The following WDR75 variants were observed in gnomAD, a reference collection of about 807,000 sequenced individuals.
The protein encoded by WDR75 is WD repeat domain 75.
A neutral mutation model predicts 106.1 loss-of-function variants in WDR75; 52 were observed. The ratio of observed to expected loss-of-function variants is 0.49; its 90% CI spans 0.39 to 0.62. The LOEUF (loss-of-function observed/expected upper bound fraction) is 0.62. Among genes scored for constraint, WDR75 ranks in the 20% least tolerant of loss-of-function variants. The probability of loss-of-function intolerance (pLI) is 0.00; values close to 1 mark genes in which losing one functional copy is unlikely to be tolerated. For missense variants in WDR75, 905 were observed against 970.3 expected (o/e 0.93, Z 0.89); for synonymous variants, 333 against 335.5 (o/e 0.99, Z 0.08).
At chr2:189,451,209 A>T (rs905667871) in intron 3 of WDR75, among the ~76,000 whole-genome samples, 12 of 152,350 alleles carry the variant, frequency 7.9e-5, no homozygotes, top group African/African-American at 2.9e-4. Context: ...CTTCCCAAAA[A>T]CCAATAAGGA....
chr2:189,468,356 AAT>A, intron 14 of WDR75, 117 bp from the exon 15 acceptor site: 1 of 818,902 alleles, frequency 1.2e-6, no homozygotes, highest in Non-Finnish European at 1.9e-6. Context: ...TATAAACAAA[AAT>A]ATATATGTCT....
Position 189,474,803 on chromosome 2 carries a change from T to A in WDR75, c.2283T>A (p.Thr761=), listed in dbSNP as rs774152473. 1.2e-6 allele frequency: 2 copies of A among 1,613,270 alleles called. No individual in the cohort carries two copies. The highest frequency in any genetic ancestry group is 1.7e-6 in the Non-Finnish European group (2 of 1,179,252). ...ATTCATTGCTGCTGTCTAAAGAGAC[T>A]AAGAGGTAAAGCAGTTCTTAAGACA... The part of the protein sequence containing the change: ...FVNSLLLSKE[T]KSAKEIPEDV... Residue 761 remains threonine, a synonymous_variant, in exon 20 of 21, where the codon ACT becomes ACA. Transcript: ENST00000314761.
intron 16 of WDR75, 48 bp from the exon 17 acceptor site, chr2:189,470,028 T>A (rs1328014808): frequency 6.4e-7 from 1 of 1,566,984 alleles, no homozygotes; most frequent in African/African-American, 1.4e-5. Context: ...AGGCTAGAAC[T>A]AACCTTTTCA....
chr2:189,460,806 A>G (rs951079703), intron 8 of WDR75, among the ~76,000 whole-genome samples: 4 of 152,146 alleles, frequency 2.6e-5, no homozygotes, highest in African/African-American at 7.2e-5. Context: ...GTGCCCGGCC[A>G]TTATTTGAAT....
At chr2:189,468,850 C>T (rs983086429) in intron 15 of WDR75, among the ~76,000 whole-genome samples, 21 of 152,120 alleles carry the variant, frequency 1.4e-4, no homozygotes, top group Admixed American at 2.6e-4. Context: ...TCCCCATCCT[C>T]GTAACAATTT....
intron 18 of WDR75, among the ~76,000 whole-genome samples, chr2:189,471,743 G>T (rs1200487447): frequency 6.6e-6 from 1 of 152,046 alleles, no homozygotes; most frequent in South Asian, 2.1e-4. Context: ...CATCATTCTG[G>T]GGATTTGTTT....
At chr2:189,443,992 G>A (rs956788344) in intron 1 of WDR75, among the ~76,000 whole-genome samples, 17 of 152,136 alleles carry the variant, frequency 1.1e-4, no homozygotes, top group African/African-American at 3.6e-4. Context: ...AGTTCAGTTC[G>A]GGGTTATTAA....
intron 12 of WDR75, among the ~76,000 whole-genome samples, chr2:189,466,181 G>T (rs576469295): frequency 6.6e-6 from 1 of 152,100 alleles, no homozygotes; most frequent in African/African-American, 2.4e-5. Context: ...TTGTACCAAT[G>T]TACTAGTGGG....
At chr2:189,461,826 G>GT (rs764248235) in intron 8 of WDR75, among the ~76,000 whole-genome samples, 1 of 152,120 alleles carries the variant, frequency 6.6e-6, no homozygotes, top group Non-Finnish European at 1.5e-5. Flanking sequence ...GTTTTCAATA[G>GT]TTTAACTTTT....
Position 189,460,829 on chromosome 2 carries a change from A to G in WDR75, c.778+1405A>G, listed in dbSNP as rs566101363. 2.0e-5 allele frequency among the ~76,000 whole-genome samples: 3 copies of G among 152,294 alleles called. 1 individual carries two copies. In the South Asian group the frequency reaches 6.2e-4, roughly 32 times the overall value. On this transcript the variant is annotated intron_variant, in intron 8 of 20. Transcript: ENST00000314761. The stretch of plus-strand genomic sequence containing the variant: ...CCATTATTTGAATTCTTGATATTAT[A>G]TTTCAAGTAGCATGAATATTTTTAA...
At chr2:189,441,869 A>C (rs1430961398) in intron 1 of WDR75, among the ~76,000 whole-genome samples, 1 of 152,156 alleles carries the variant, frequency 6.6e-6, no homozygotes, top group Non-Finnish European at 1.5e-5. Flanking sequence ...AAAATGGTCC[A>C]GGGGTGGATG....
At position 189,441,543 on chromosome 2, in the gene WDR75, G is replaced by T. The variant is rs201125667; in HGVS notation, c.51G>T (p.Leu17Phe). Residue 17 changes from leucine to phenylalanine, a missense_variant, in exon 1 of 21, where the codon TTG (leucine) becomes TTT (phenylalanine). Coordinates refer to ENST00000314761, the MANE Select transcript of WDR75 (RefSeq NM_032168.3). The part of the protein sequence containing the change: ...IRVVRCGGSE[L>F]NFRRAVFSAD... ...TGGTTCGTTGTGGCGGCAGCGAGTT[G>T]AACTTTAGGAGAGCTGTGTTCTCTG... 2.6e-6 allele frequency: 4 copies of T among 1,563,582 alleles called. No homozygotes were observed. In the South Asian group the frequency reaches 4.7e-5, roughly 18 times the overall value.
intron 8 of WDR75, 104 bp from the exon 9 acceptor site, chr2:189,462,380 T>C: frequency 7.8e-7 from 1 of 1,274,034 alleles, no homozygotes; most frequent in East Asian, 2.3e-5. Context: ...TTAAATGAGT[T>C]TATTTCTCTA....
At chr2:189,451,352 T>A (rs555675030) in intron 3 of WDR75, among the ~76,000 whole-genome samples, 1 of 152,176 alleles carries the variant, frequency 6.6e-6, no homozygotes, top group South Asian at 2.1e-4. Flanking sequence ...TTAAAACAAA[T>A]GACACAATAT....
intron 14 of WDR75, 143 bp downstream of exon 14, chr2:189,467,791 A>C: frequency 1.5e-6 from 1 of 666,436 alleles, no homozygotes; most frequent in South Asian, 3.4e-5. Flanking sequence ...CTGGAAAGCC[A>C]AAAATTCTGA....
chr2:189,460,450 C>G lies in WDR75; in HGVS notation c.778+1026C>G, dbSNP rs570266592. ...TACCCTCCTTCCCACTCCACACCCT[C>G]AAAATACTAGTGAGTGCTTGGTATC... On this transcript the variant is annotated intron_variant, in intron 8 of 20. Coordinates refer to ENST00000314761, the MANE Select transcript of WDR75 (RefSeq NM_032168.3). Among the ~76,000 whole-genome samples, 109 of 151,940 alleles carry G rather than the reference C, an allele frequency of 7.2e-4. 1 individual carries two copies. Among genetic ancestry groups the G allele is most frequent in the Non-Finnish European group, 1.6e-4 (11 of 68,002 alleles).
chr2:189,462,372 A>C (rs1260420288), intron 8 of WDR75, 112 bp from the exon 9 acceptor site: 5 of 1,199,664 alleles, frequency 4.2e-6, no homozygotes, highest in East Asian at 4.7e-5. Flanking sequence ...TTGTAGCTTT[A>C]AATGAGTTTA....
intron 11 of WDR75, 34 bp downstream of exon 11, chr2:189,463,995 A>G: frequency 6.3e-7 from 1 of 1,579,706 alleles, no homozygotes; most frequent in Non-Finnish European, 8.7e-7. Flanking sequence ...GAAATTAATG[A>G]AAGCTCTTTA....
intron 8 of WDR75, among the ~76,000 whole-genome samples, chr2:189,460,624 C>T (rs1686859811): frequency 6.6e-6 from 1 of 151,582 alleles, no homozygotes; most frequent in Admixed American, 6.6e-5. Flanking sequence ...CCCACCTCAG[C>T]CCCCTAAGTA....
Sources: gnomAD v4.1 joint callset for allele counts (sites outside exome capture counted in the v4.1 genomes callset) on GRCh38, gnomAD v4.1.1 for gene constraint, MANE v1.5 for transcripts, NCBI Gene and HGNC (gene_info 2026-07-23, HGNC 2026-07-21) for gene names.